TNFRSF10D: variants seen among roughly 807,000 people sequenced by gnomAD.
TNFRSF10D encodes TNF receptor superfamily member 10d.
A neutral mutation model predicts 42.1 loss-of-function variants in TNFRSF10D; 28 were observed. The ratio of observed to expected loss-of-function variants is 0.66; its 90% CI spans 0.49 to 0.91. The LOEUF (loss-of-function observed/expected upper bound fraction) is 0.91, where lower values mean the gene tolerates loss of function less well. Among genes scored for constraint, TNFRSF10D ranks in the 40% least tolerant of loss-of-function variants. The pLI is 0.00. For missense variants in TNFRSF10D, 503 were observed against 486.1 expected (o/e 1.03, Z -0.33); for synonymous variants, 186 against 189.4 (o/e 0.98, Z 0.15).
At chr8:23,159,168 G>C (rs564921780) in intron 1 of TNFRSF10D, among the ~76,000 whole-genome samples, 901 of 152,014 alleles carry the variant, frequency 5.9e-3, no homozygotes, top group African/African-American at 0.018. Context: ...ATTTTGCTAT[G>C]TTTCCCAGGC....
intron 4 of TNFRSF10D, 113 bp downstream of exon 4, chr8:23,146,848 G>T: frequency 1.1e-6 from 1 of 879,066 alleles, no homozygotes; most frequent in Non-Finnish European, 1.8e-6. Flanking sequence ...ACAGGCTCAG[G>T]GAGGCCTCGG....
chr8:23,153,997 A>C (rs1800241488), intron 2 of TNFRSF10D, among the ~76,000 whole-genome samples: 1 of 152,244 alleles, frequency 6.6e-6, no homozygotes, highest in African/African-American at 2.4e-5. Context: ...GAAAAGGTAA[A>C]GAAAATGTAG....
At chr8:23,163,732 ACTCCCGGCGCCAGGTGCG>A in intron 1 of TNFRSF10D, 36 bp downstream of exon 1, 1 of 1,583,612 alleles carries the variant, frequency 6.3e-7, no homozygotes. Context: ...CTCCCTGCCC[ACTCCCGGCGCCAGGTGCG>A]CTCTTCCCCA....
intron 1 of TNFRSF10D, among the ~76,000 whole-genome samples, chr8:23,159,425 T>C (rs1800330873): frequency 6.6e-6 from 1 of 152,238 alleles, no homozygotes; most frequent in African/African-American, 2.4e-5. Flanking sequence ...AAGAGATTAC[T>C]GTGCAGACCT....
In TNFRSF10D at chr8:23,144,702, G is replaced by A. The variant is rs1800089185; in HGVS notation, c.769-67C>T. On this transcript the variant is annotated intron_variant, in intron 6 of 8. Transcript: ENST00000312584. ...TCAGCTTCAGGGTCCCCAGTACACA[G>A]CTGGACCTGCCATCCCCAACCCCTT... 3 of 1,544,360 alleles carry A rather than the reference G, an allele frequency of 1.9e-6. No homozygotes were observed. In the South Asian group the frequency reaches 3.7e-5, roughly 19 times the overall value.
At chr8:23,145,035 A>T (rs1563356409) in intron 6 of TNFRSF10D, 23 bp downstream of exon 6, 1 of 1,614,086 alleles carries the variant, frequency 6.2e-7, no homozygotes, top group South Asian at 1.1e-5. Context: ...CGAAGCCCCC[A>T]GTTTCTGGAG....
intron 7 of TNFRSF10D, among the ~76,000 whole-genome samples, chr8:23,141,729 A>T (rs1044580315): frequency 6.6e-6 from 1 of 151,902 alleles, no homozygotes; most frequent in Non-Finnish European, 1.5e-5. Context: ...GCTCATCATC[A>T]TGAATCATCA....
chr8:23,148,597 C>A, intron 2 of TNFRSF10D, 46 bp from the exon 3 acceptor site: 1 of 1,452,330 alleles, frequency 6.9e-7, no homozygotes, highest in Non-Finnish European at 9.6e-7. Context: ...CACAGAATTC[C>A]CAGAGGCTGA....
chr8:23,137,781 G>T lies in TNFRSF10D; in HGVS notation c.*89C>A. The T allele has an allele frequency of 1.3e-6, 2 of 1,519,478 alleles. No homozygotes were observed. Among genetic ancestry groups the T allele is most frequent in the Non-Finnish European group, 8.8e-7 (1 of 1,132,514 alleles). 94.1% of individuals were successfully genotyped at this position (1,519,478 alleles called of 1,614,324 possible). A position where few individuals can be genotyped will look rare whatever the true frequency, so the allele number is the denominator to read the frequency against. Reference sequence around the variant, plus strand: ...GATAGTAGAGTTTGTTGGGGCATGGGTCAAGTACTGGACTGTTTCTTCCAG... The same window carrying T: ...GATAGTAGAGTTTGTTGGGGCATGGTTCAAGTACTGGACTGTTTCTTCCAG... On this transcript the variant is annotated 3_prime_UTR_variant, in exon 9 of 9. Transcript: ENST00000312584.
At chr8:23,152,537 C>T (rs115861715) in intron 2 of TNFRSF10D, among the ~76,000 whole-genome samples, 949 of 152,164 alleles carry the variant, frequency 6.2e-3, no homozygotes, top group African/African-American at 0.019. Flanking sequence ...TGTGCTAGAT[C>T]AAAAACAATT....
chr8:23,146,530 G>A (rs1800122682), intron 4 of TNFRSF10D, among the ~76,000 whole-genome samples: 1 of 152,094 alleles, frequency 6.6e-6, no homozygotes, highest in Non-Finnish European at 1.5e-5. Flanking sequence ...GGACACTTTT[G>A]TCTTTATGGG....
chr8:23,163,553 C>A (rs187881267), intron 1 of TNFRSF10D, among the ~76,000 whole-genome samples: 18 of 152,316 alleles, frequency 1.2e-4, no homozygotes, highest in Admixed American at 9.8e-4. Flanking sequence ...GCGGTCCTCG[C>A]CGCACGGGAC....
chr8:23,152,742 G>A (rs1261682911), intron 2 of TNFRSF10D, among the ~76,000 whole-genome samples: 1 of 152,144 alleles, frequency 6.6e-6, no homozygotes, highest in Non-Finnish European at 1.5e-5. Flanking sequence ...TGGAAAGACA[G>A]TACATGTTCA....
rs202212786 is a variant in TNFRSF10D at position 23,145,706 on chromosome 8, C to A, written c.698G>T (p.Arg233Leu). The A allele has an allele frequency of 6.2e-7, 1 of 1,614,140 alleles. No homozygotes were observed. The highest frequency in any genetic ancestry group is 1.1e-5 in the South Asian group (1 of 91,084). Residue 233 changes from arginine (R) to leucine (L), a missense_variant, in exon 5 of 9, where the codon CGG (arginine) becomes CTG (leucine). Arg to Leu is a moderately radical substitution (Grantham distance 102). Coordinates refer to ENST00000312584, the MANE Select transcript of TNFRSF10D (RefSeq NM_003840.5). ...TTTGAGGTAAGAAATGAATTTCTTC[C>A]GACATGAAAAGCCAACCACAACCAC... ...LAVVVVGFSC[R>L]KKFISYLKGI...
intron 7 of TNFRSF10D, among the ~76,000 whole-genome samples, chr8:23,142,358 A>G (rs1353705478): frequency 6.6e-6 from 1 of 152,212 alleles, no homozygotes; most frequent in Non-Finnish European, 1.5e-5. Flanking sequence ...GGTTCCCATC[A>G]ACAGTGGATT....
intron 7 of TNFRSF10D, among the ~76,000 whole-genome samples, chr8:23,141,959 T>C (rs373553470): frequency 7.0e-4 from 106 of 150,700 alleles, no homozygotes; most frequent in African/African-American, 2.4e-3. Context: ...GCAAACCCAC[T>C]ACTGGGTATA....
intron 4 of TNFRSF10D, among the ~76,000 whole-genome samples, chr8:23,146,570 T>A (rs1482145045): frequency 1.3e-5 from 2 of 152,152 alleles, no homozygotes; most frequent in African/African-American, 4.8e-5. Context: ...TATTAAAAAT[T>A]ACATTTTTTA....
intron 3 of TNFRSF10D, 79 bp from the exon 4 acceptor site, chr8:23,147,151 C>T (rs1800132022): frequency 8.3e-7 from 1 of 1,207,550 alleles, no homozygotes; most frequent in Admixed American, 1.7e-5. Flanking sequence ...CCATCCCCTC[C>T]CACTCAGCTC....
In TNFRSF10D at chr8:23,154,918, G is replaced by T. The variant is rs1800255286; in HGVS notation, c.212C>A (p.Pro71Gln). 2 of 1,613,958 alleles carry T rather than the reference G, an allele frequency of 1.2e-6. No homozygotes were observed. The change falls in exon 2 of 9, where the codon CCA becomes CAA. Residue 71 changes from proline (P) to glutamine (Q), a missense_variant. Coordinates refer to ENST00000312584, the MANE Select transcript of TNFRSF10D (RefSeq NM_003840.5). ...CTTGAGGCTGCGCCTCTGTTGCTGT[G>T]GGGCCACTGTCTGCTGGGGAACTTC... ...QDEVPQQTVA[P>Q]QQQRRSLKEE...
Sources: gnomAD v4.1 joint callset for allele counts (sites outside exome capture counted in the v4.1 genomes callset) on GRCh38, gnomAD v4.1.1 for gene constraint, MANE v1.5 for transcripts, NCBI Gene and HGNC (gene_info 2026-07-23, HGNC 2026-07-21) for gene names.